The following EZH1 variants were observed in gnomAD, a reference collection of about 807,000 sequenced individuals.
EZH1 encodes the protein enhancer of zeste 1 polycomb repressive complex 2 subunit.
In EZH1, 33 loss-of-function variants were observed where a neutral mutation model predicts 100.5. That is an observed-to-expected ratio of 0.33 (90% confidence interval 0.25 to 0.44). EZH1 has a LOEUF of 0.44. Ranked by LOEUF, EZH1 falls within the 20% of genes least tolerant of loss-of-function variation. The pLI, the probability that EZH1 is intolerant of heterozygous loss-of-function variation, is 1.00. For missense variants in EZH1, 475 were observed against 928.4 expected, an observed-to-expected ratio of 0.51 and a Z score of 6.35; for synonymous variants, 272 against 313.8, an observed-to-expected ratio of 0.87 and a Z score of 1.41.
intron 2 of EZH1, among the ~76,000 whole-genome samples, chr17:42,729,457 G>T (rs141657238): frequency 2.0e-5 from 3 of 152,072 alleles, no homozygotes; most frequent in Non-Finnish European, 2.9e-5. Flanking sequence ...GTCCAGGCAC[G>T]GTGGCTCACG....
In EZH1 at chr17:42,702,217, C is replaced by G; in HGVS notation, c.*315G>C. 3.4e-6 allele frequency: 1 copy of G among 298,066 alleles called. No homozygotes were observed. The highest frequency in any genetic ancestry group is 6.3e-6 in the Non-Finnish European group (1 of 159,366). The allele number at this position is 298,066 out of a possible 1,614,324, so 18.5% of individuals were successfully genotyped here. On this transcript the variant is annotated 3_prime_UTR_variant, in exon 21 of 21. Coordinates refer to ENST00000428826, the MANE Select transcript of EZH1 (RefSeq NM_001991.5). ...CCTAAGTTGATTCCTGAGGCCACAGCCTGGGGAGCCGACACGAAATCACGC... is the reference window on the plus strand; with the variant it reads ...CCTAAGTTGATTCCTGAGGCCACAGGCTGGGGAGCCGACACGAAATCACGC...
chr17:42,708,100 A>T lies in EZH1; in HGVS notation c.1535-17T>A. 6.3e-7 allele frequency: 1 copy of T among 1,589,702 alleles called. No homozygotes were observed. The highest frequency in any genetic ancestry group is 1.8e-5 in the Admixed American group (1 of 56,750). ...AAGAGTTATCTAGGAAAGAAAACAG[A>T]GGAGGATGCTGCTGTGACCATACTC... On this transcript the variant is annotated splice_polypyrimidine_tract_variant and intron_variant, in intron 14 of 20. Transcript: ENST00000428826.
intron 10 of EZH1, among the ~76,000 whole-genome samples, 178 bp downstream of exon 10, chr17:42,717,798 T>C (rs1224796693): frequency 6.6e-6 from 1 of 152,208 alleles, no homozygotes; most frequent in South Asian, 2.1e-4. Context: ...ACTAACTTTA[T>C]AGTGCTACCA....
rs964413210 is a variant in EZH1, at chr17:42,718,767, C to T, written c.768-150G>A. On this transcript the variant is annotated intron_variant, in intron 8 of 20. Coordinates refer to ENST00000428826, the MANE Select transcript of EZH1 (RefSeq NM_001991.5). This position sits in a 1 kb window ranked among gnomAD's most constrained non-coding sequence, Gnocchi z 4.2. ...TGGTTGATAAGAGAATGGTAGATAACTAGAGTGGGTCCACCATTGTAATTA... is the reference window on the plus strand; with the variant it reads ...TGGTTGATAAGAGAATGGTAGATAATTAGAGTGGGTCCACCATTGTAATTA... 1.3e-6 allele frequency: 1 copy of T among 745,196 alleles called. No individual in the cohort carries two copies. Among genetic ancestry groups the T allele is most frequent in the African/African-American group, 1.8e-5 (1 of 56,608 alleles). 46.2% of individuals were successfully genotyped at this position (745,196 alleles called of 1,614,324 possible).
chr17:42,709,787 G>T, intron 13 of EZH1, 59 bp downstream of exon 13: 1 of 1,534,284 alleles, frequency 6.5e-7, no homozygotes, highest in Non-Finnish European at 9.0e-7. Context: ...CCAAGGGGAG[G>T]TCAGAGCACA....
At chr17:42,744,748 C>T (rs1156293520) in intron 1 of EZH1, among the ~76,000 whole-genome samples, 1 of 151,968 alleles carries the variant, frequency 6.6e-6, no homozygotes, top group Non-Finnish European at 1.5e-5. Flanking sequence ...TCCCCGAGCC[C>T]GCCCCCGCCG....
intron 1 of EZH1, among the ~76,000 whole-genome samples, chr17:42,740,368 T>A (rs2054154597): frequency 6.6e-6 from 1 of 152,136 alleles, no homozygotes; most frequent in South Asian, 2.1e-4. Context: ...GCCTCCCGCG[T>A]AGCTGGGACT....
intron 16 of EZH1, 40 bp downstream of exon 16, chr17:42,705,967 T>A: frequency 6.5e-7 from 1 of 1,546,008 alleles, no homozygotes; most frequent in Non-Finnish European, 8.8e-7. Context: ...TCCTTCCCCC[T>A]CCATTTTATG....
At chr17:42,711,532 G>A (rs1212021668) in intron 12 of EZH1, among the ~76,000 whole-genome samples, 2 of 151,494 alleles carry the variant, frequency 1.3e-5, no homozygotes, top group South Asian at 2.1e-4. Context: ...AATCCCAGTT[G>A]CTTGGGAGGA....
intron 19 of EZH1, chr17:42,703,263 C>T (rs960613596): frequency 5.8e-6 from 2 of 342,500 alleles, no homozygotes; most frequent in African/African-American, 2.2e-5. Context: ...CAACCTCTGC[C>T]TCCAGGGTTC....
chr17:42,744,821 G>A (rs1347190468), intron 1 of EZH1, among the ~76,000 whole-genome samples, 190 bp downstream of exon 1: 1 of 149,614 alleles, frequency 6.7e-6, no homozygotes, highest in African/African-American at 2.5e-5. Context: ...GGTCTCTCTC[G>A]CCCCGTCGCC....
chr17:42,704,044 C>T (rs1323316849), intron 18 of EZH1, among the ~76,000 whole-genome samples: 1 of 152,160 alleles, frequency 6.6e-6, no homozygotes, highest in East Asian at 1.9e-4. Context: ...ATCTTCTCAT[C>T]TACTGGGCAG....
intron 1 of EZH1, among the ~76,000 whole-genome samples, chr17:42,743,276 T>G (rs2054211982): frequency 6.6e-6 from 1 of 151,754 alleles, no homozygotes; most frequent in Admixed American, 6.6e-5. Context: ...TTCAAGCGAT[T>G]CTAATGCCTC....
chr17:42,709,029 T>A (rs1241648143), intron 13 of EZH1, 113 bp from the exon 14 acceptor site: 7 of 1,224,302 alleles, frequency 5.7e-6, no homozygotes, highest in Non-Finnish European at 8.3e-6. Flanking sequence ...CTGGGGAGTA[T>A]CTTCCCAAAC....
chr17:42,705,080 G>A lies in EZH1; in HGVS notation c.1935+8C>T. 1.2e-6 allele frequency: 2 copies of A among 1,609,562 alleles called. No individual in the cohort carries two copies. The highest frequency in any genetic ancestry group is 1.7e-6 in the Non-Finnish European group (2 of 1,176,174). On this transcript the variant is annotated splice_region_variant and intron_variant, in intron 17 of 20. Transcript: ENST00000428826. ...AGTAAGAATGTGGGCCAAAACTATAGCACTCACCTCACCACAGTATTCAGA... is the reference window on the plus strand; with the variant it reads ...AGTAAGAATGTGGGCCAAAACTATAACACTCACCTCACCACAGTATTCAGA...
rs775715609 is a variant in EZH1, at chr17:42,715,968, AC to A, written c.1023+2007del. 2.0e-5 allele frequency among the ~76,000 whole-genome samples: 3 copies of A among 151,372 alleles called. No individual in the cohort carries two copies. In the Admixed American group the frequency reaches 2.0e-4, roughly 10 times the overall value. On this transcript the variant is annotated intron_variant, in intron 10 of 20. Coordinates refer to ENST00000428826, the MANE Select transcript of EZH1 (RefSeq NM_001991.5). ...AGGCTGAGGCAGGAGAATCGTTTGA[AC>A]CCGGGAGGTGGAGATTGTGGTGAGC...
At chr17:42,714,852 A>T (rs1262105030) in intron 10 of EZH1, among the ~76,000 whole-genome samples, 1 of 143,868 alleles carries the variant, frequency 7.0e-6, no homozygotes, top group Non-Finnish European at 1.5e-5. Flanking sequence ...ACATTTATAT[A>T]TATTTACATA....
At chr17:42,708,240 G>T in intron 14 of EZH1, 157 bp from the exon 15 acceptor site, 1 of 825,002 alleles carries the variant, frequency 1.2e-6, no homozygotes, top group Non-Finnish European at 1.8e-6. Context: ...GATGACCGTT[G>T]TTCATAAGCT....
chr17:42,702,938 G>A lies in EZH1; in HGVS notation c.2122C>T (p.Arg708Trp). The A allele has an allele frequency of 1.2e-6, 2 of 1,614,002 alleles. No homozygotes were observed. The highest frequency in any genetic ancestry group is 1.7e-6 in the Non-Finnish European group (2 of 1,180,008). Residue 708 changes from arginine (R) to tryptophan (W), a missense_variant, in exon 20 of 21, where the codon CGG becomes TGG. By Grantham distance (101) the Arg-to-Trp change is moderately radical. Coordinates refer to ENST00000428826, the MANE Select transcript of EZH1 (RefSeq NM_001991.5). ...GCCCTCTTGGCAAAGATCCCAATCC[G>A]ATGGTCTCCATTCACCATGACCACT... ...AKVVMVNGDH[R>W]IGIFAKRAIQ...
Sources: allele counts gnomAD v4.1 joint callset (sites outside exome capture counted in the v4.1 genomes callset), GRCh38; gene constraint gnomAD v4.1.1; non-coding constraint Gnocchi (gnomAD v3.1); transcripts MANE v1.5; gene names NCBI Gene and HGNC (gene_info 2026-07-23, HGNC 2026-07-21).